WDPCP: variants seen among roughly 807,000 people sequenced by gnomAD.
WDPCP encodes WD repeat containing planar cell polarity effector, also known as WD repeat-containing and planar cell polarity effector protein fritz homolog.
In WDPCP, 71 loss-of-function variants were observed where a neutral mutation model predicts 93.1. That is an observed-to-expected ratio of 0.76 (90% confidence interval 0.63 to 0.93). WDPCP has a LOEUF of 0.93. WDPCP is among the 40% of genes least tolerant of loss of function. The pLI is 0.00. For missense variants in WDPCP, 844 were observed against 887.4 expected, an observed-to-expected ratio of 0.95 and a Z score of 0.62; for synonymous variants, 315 against 315.0, an observed-to-expected ratio of 1.00 and a Z score of 0.00.
intron 17 of WDPCP, among the ~76,000 whole-genome samples, chr2:63,140,652 A>G (rs1670997024): frequency 6.6e-6 from 1 of 151,416 alleles, no homozygotes; most frequent in Non-Finnish European, 1.5e-5. Context: ...CTGATTTTGT[A>G]TATTAATCTT....
At chr2:63,187,525 T>C (rs144181286) in intron 14 of WDPCP, among the ~76,000 whole-genome samples, 2 of 152,310 alleles carry the variant, frequency 1.3e-5, no homozygotes, top group African/African-American at 4.8e-5. Context: ...ACCACTGCAA[T>C]TGCAGAAAGT....
chr2:63,242,176 A>G (rs926146116), intron 14 of WDPCP, among the ~76,000 whole-genome samples: 4 of 152,184 alleles, frequency 2.6e-5, no homozygotes, highest in Admixed American at 6.5e-5. Context: ...AAGCATGAAT[A>G]AGCTTTTATA....
chr2:63,224,237 CACTCATG>C lies in WDPCP; in HGVS notation c.1915+35063_1915+35069del, dbSNP rs988648437. On this transcript the variant is annotated intron_variant, in intron 14 of 17. Coordinates refer to ENST00000272321, the MANE Select transcript of WDPCP (RefSeq NM_015910.7). ...CTATTGGGATGGCCAAAATCTAGCA[CACTCATG>C]ACATAAAATGCGGTGGAACAACAAG... Among the ~76,000 whole-genome samples the C allele has an allele frequency of 1.3e-3, 193 of 152,082 alleles. 1 individual carries two copies. Among genetic ancestry groups the C allele is most frequent in the African/African-American group, 4.6e-3 (190 of 41,516 alleles).
intron 14 of WDPCP, among the ~76,000 whole-genome samples, chr2:63,188,068 T>C (rs957339948): frequency 1.3e-5 from 2 of 152,238 alleles, no homozygotes; most frequent in Non-Finnish European, 2.9e-5. Context: ...ATAACCTTAG[T>C]TGGCTCACTT....
In WDPCP at chr2:63,153,589, T is replaced by C. The variant is rs1559158961; in HGVS notation, c.2079-15A>G. 3 of 1,589,604 alleles carry C rather than the reference T, an allele frequency of 1.9e-6. No individual in the cohort carries two copies. The highest frequency in any genetic ancestry group is 2.6e-6 in the Non-Finnish European group (3 of 1,164,262). Reference sequence around the variant, plus strand: ...CAATTATTTGTCTGCAGTATATGGGTGTTTTTAATTGGAAAAAGGATTAAA... The same window carrying C: ...CAATTATTTGTCTGCAGTATATGGGCGTTTTTAATTGGAAAAAGGATTAAA... On this transcript the variant is annotated splice_polypyrimidine_tract_variant and intron_variant, in intron 15 of 17. Transcript: ENST00000272321.
intron 14 of WDPCP, chr2:63,228,372 G>GTTCTTT (rs1273012321): frequency 8.5e-6 from 1 of 117,858 alleles, no homozygotes; most frequent in Non-Finnish European, 1.8e-5. Context: ...GTTTTATTTT[G>GTTCTTT]TTCTTTTTCT....
intron 10 of WDPCP, chr2:63,403,807 T>A (rs1694333671): frequency 2.0e-6 from 1 of 503,562 alleles, no homozygotes. Context: ...AATGTAAAAA[T>A]TAGGGCTTTT....
At chr2:63,394,167 A>G (rs1428533751) in intron 10 of WDPCP, among the ~76,000 whole-genome samples, 1 of 152,232 alleles carries the variant, frequency 6.6e-6, no homozygotes, top group Non-Finnish European at 1.5e-5. Context: ...AGTATCCAGA[A>G]TCTTAAGGAA....
chr2:63,472,890 T>A (rs1036848575), intron 6 of WDPCP, among the ~76,000 whole-genome samples: 5 of 152,162 alleles, frequency 3.3e-5, no homozygotes, highest in Non-Finnish European at 5.9e-5. Context: ...AGCATACCAT[T>A]CTTGTTTCCA....
rs115683390 is a variant in WDPCP, at chr2:63,700,396, G to T, written n.309-49558C>A. On this transcript the variant is annotated intron_variant and non_coding_transcript_variant, in intron 2 of 4. Transcript: ENST00000467687. ...AGAAGTGGTAGTGGGAATGGAAAAGGTCAGATACAAGACTTTTCCAAGGAA... is the reference window on the plus strand; with the variant it reads ...AGAAGTGGTAGTGGGAATGGAAAAGTTCAGATACAAGACTTTTCCAAGGAA... Among the ~76,000 whole-genome samples the T allele has an allele frequency of 4.6e-3, 703 of 151,750 alleles. 6 individuals are homozygous for T. Among genetic ancestry groups the T allele is most frequent in the African/African-American group, 0.017 (682 of 41,244 alleles).
intron 13 of WDPCP, among the ~76,000 whole-genome samples, chr2:63,271,755 A>T (rs2104862253): frequency 6.6e-6 from 1 of 151,706 alleles, no homozygotes; most frequent in Middle Eastern, 3.4e-3. Flanking sequence ...ACCCACCAAC[A>T]CTAGCACCTG....
intron 6 of WDPCP, among the ~76,000 whole-genome samples, chr2:63,482,556 A>G (rs1700330314): frequency 2.6e-5 from 4 of 152,112 alleles, no homozygotes; most frequent in Middle Eastern, 3.4e-3. Flanking sequence ...TAGCTTGAAC[A>G]TCAAAATTTT....
chr2:63,200,885 G>A (rs573324843), intron 14 of WDPCP, among the ~76,000 whole-genome samples: 3 of 152,126 alleles, frequency 2.0e-5, no homozygotes, highest in Admixed American at 6.5e-5. Context: ...AGGTGAGGAT[G>A]AGTTAAGACT....
chr2:63,732,277 A>G (rs1201916296), intron 2 of WDPCP, among the ~76,000 whole-genome samples: 1 of 152,248 alleles, frequency 6.6e-6, no homozygotes, highest in Non-Finnish European at 1.5e-5. Context: ...CATAAAGAAG[A>G]GTACCATAGC....
chr2:63,626,290 T>C (rs904143823), intron 3 of WDPCP, among the ~76,000 whole-genome samples: 4 of 152,178 alleles, frequency 2.6e-5, no homozygotes, highest in African/African-American at 9.6e-5. Flanking sequence ...AAAGACTTCA[T>C]GACCAAAATA....
chr2:63,549,204 C>T (rs1705381309), intron 1 of WDPCP, among the ~76,000 whole-genome samples: 1 of 140,312 alleles, frequency 7.1e-6, no homozygotes, highest in Non-Finnish European at 1.5e-5. Context: ...GAGCCAGGAT[C>T]CTGCCATTAT....
chr2:63,663,789 G>C, intron 2 of WDPCP, among the ~76,000 whole-genome samples: 1 of 152,236 alleles, frequency 6.6e-6, no homozygotes, highest in Non-Finnish European at 1.5e-5. Flanking sequence ...AAAAATACTC[G>C]ATCATGCTAT....
intron 13 of WDPCP, among the ~76,000 whole-genome samples, chr2:63,291,309 G>A (rs1055924194): frequency 6.6e-6 from 1 of 152,010 alleles, no homozygotes; most frequent in African/African-American, 2.4e-5. Context: ...TTATTACCCA[G>A]AACACATTTA....
intron 2 of WDPCP, among the ~76,000 whole-genome samples, chr2:63,490,771 A>G (rs1392564913): frequency 6.6e-6 from 1 of 152,174 alleles, no homozygotes; most frequent in Non-Finnish European, 1.5e-5. Flanking sequence ...TTTGCTGGGC[A>G]TGAACAGAGG....
Sources: allele counts gnomAD v4.1 joint callset (sites outside exome capture counted in the v4.1 genomes callset), GRCh38; gene constraint gnomAD v4.1.1; transcripts MANE v1.5; gene names NCBI Gene and HGNC (gene_info 2026-07-23, HGNC 2026-07-21).